SLC26A7: variants seen among roughly 807,000 people sequenced by gnomAD.
The protein encoded by SLC26A7 is anion exchange transporter.
In SLC26A7, 59 loss-of-function variants were observed where a neutral mutation model predicts 82.5. The observed-to-expected ratio is 0.72, with a 90% CI of 0.58 to 0.89. SLC26A7 has a LOEUF of 0.89. SLC26A7 is among the 40% of genes least tolerant of loss of function. The pLI is 0.00. For missense variants in SLC26A7, 820 were observed against 793.0 expected, an observed-to-expected ratio of 1.03 and a Z score of -0.41; for synonymous variants, 271 against 274.3, an observed-to-expected ratio of 0.99 and a Z score of 0.12.
At chr8:91,239,045 C>T (rs1296335858) in intron 2 of SLC26A7, among the ~76,000 whole-genome samples, 1 of 151,984 alleles carries the variant, frequency 6.6e-6, no homozygotes, top group Non-Finnish European at 1.5e-5. Context: ...TTTTATAGAT[C>T]ATATATACCC....
At chr8:91,244,984 T>C (rs1586316733), upstream of SLC26A7, among the ~76,000 whole-genome samples, 1 of 152,204 alleles carries the variant, frequency 6.6e-6, no homozygotes, top group East Asian at 1.9e-4. Context: ...TTGGCAATCA[T>C]TGTTGAGAAC....
chr8:91,335,175 T>C (rs1368856104), intron 6 of SLC26A7, among the ~76,000 whole-genome samples: 1 of 152,146 alleles, frequency 6.6e-6, no homozygotes, highest in Admixed American at 6.5e-5. Context: ...TACATGTATA[T>C]GATAAATGTT....
chr8:91,218,354 A>ACTAAGAAGTGAGACTAG, intron 1 of SLC26A7, among the ~76,000 whole-genome samples: 1 of 151,978 alleles, frequency 6.6e-6, no homozygotes, highest in African/African-American at 2.4e-5. Context: ...TATTTTGTAC[A>ACTAAGAAGTGAGACTAG]AATTATTTTG....
upstream of SLC26A7, among the ~76,000 whole-genome samples, chr8:91,247,423 TTTTC>T (rs1195719532): frequency 1.3e-5 from 2 of 152,132 alleles, no homozygotes; most frequent in Non-Finnish European, 2.9e-5. Context: ...CTCATAATGT[TTTTC>T]TTTCTTTCTG....
rs75313643 is a variant in SLC26A7 at position 91,378,561 on chromosome 8, A to T, written c.1675+8728A>T. ...AGAAGCATCTTGCTAAAGGTCTGGG[A>T]AAAGGGGAAACTAGTCTGAAGAACT... On this transcript the variant is annotated intron_variant, in intron 15 of 18. Coordinates refer to ENST00000276609, the MANE Select transcript of SLC26A7 (RefSeq NM_052832.4). Among the ~76,000 whole-genome samples, 557 of 151,446 alleles carry T rather than the reference A, an allele frequency of 3.7e-3. 4 individuals are homozygous for T. The highest frequency in any genetic ancestry group is 0.012 in the African/African-American group (507 of 41,408).
intron 13 of SLC26A7, among the ~76,000 whole-genome samples, chr8:91,365,214 AG>A (rs1209139602): frequency 2.0e-5 from 3 of 152,224 alleles, no homozygotes; most frequent in Non-Finnish European, 2.9e-5. Flanking sequence ...TATGTAGTGC[AG>A]GGTTGTCCAA....
intron 9 of SLC26A7, among the ~76,000 whole-genome samples, chr8:91,349,551 A>T (rs532565280): frequency 6.6e-6 from 1 of 152,296 alleles, no homozygotes; most frequent in East Asian, 1.9e-4. Flanking sequence ...AAATTTGGGA[A>T]CCTTAAAATA....
At chr8:91,378,620 G>A (rs1215575480) in intron 15 of SLC26A7, among the ~76,000 whole-genome samples, 1 of 151,782 alleles carries the variant, frequency 6.6e-6, no homozygotes, top group African/African-American at 2.4e-5. Flanking sequence ...TGAAGATCTG[G>A]TTGGACATTA....
At chr8:91,317,084 T>TG (rs1301886032) in intron 4 of SLC26A7, among the ~76,000 whole-genome samples, 3 of 140,162 alleles carry the variant, frequency 2.1e-5, no homozygotes, top group Non-Finnish European at 4.6e-5. Flanking sequence ...CACTTGAGCC[T>TG]GGGGGGTGGA....
chr8:91,335,932 A>AT (rs1400947899), intron 6 of SLC26A7, among the ~76,000 whole-genome samples: 1 of 151,972 alleles, frequency 6.6e-6, no homozygotes, highest in Non-Finnish European at 1.5e-5. Flanking sequence ...TTCCAGCTCT[A>AT]TCCCACCTGC....
At chr8:91,374,271 T>C (rs1350445587) in intron 15 of SLC26A7, among the ~76,000 whole-genome samples, 1 of 151,980 alleles carries the variant, frequency 6.6e-6, no homozygotes, top group Non-Finnish European at 1.5e-5. Context: ...AGCTTTGGGT[T>C]TGATTTGTTC....
chr8:91,333,094 C>T (rs1488436451), intron 5 of SLC26A7, among the ~76,000 whole-genome samples: 2 of 152,082 alleles, frequency 1.3e-5, no homozygotes, highest in African/African-American at 4.8e-5. Flanking sequence ...TTTAAAATCT[C>T]ACCCTATCTT....
At chr8:91,297,294 T>C (rs1812043055) in intron 4 of SLC26A7, among the ~76,000 whole-genome samples, 1 of 151,934 alleles carries the variant, frequency 6.6e-6, no homozygotes, top group Admixed American at 6.6e-5. Context: ...TTAGTCTCAT[T>C]TTAACCATCT....
chr8:91,258,867 A>T (rs1351943418), intron 2 of SLC26A7, among the ~76,000 whole-genome samples: 17 of 152,190 alleles, frequency 1.1e-4, no homozygotes, highest in Non-Finnish European at 2.2e-4. Context: ...TCTATTCTCT[A>T]TCTTAAACTC....
intron 1 of SLC26A7, among the ~76,000 whole-genome samples, chr8:91,212,864 TTCC>T (rs1453269216): frequency 8.0e-4 from 122 of 152,324 alleles, no homozygotes; most frequent in Non-Finnish European, 1.4e-3. Context: ...TATTGTTTTA[TTCC>T]AAAAATAACA....
Position 91,271,634 on chromosome 8 carries a change from G to A in SLC26A7, c.194-17502G>A, listed in dbSNP as rs556654180. On this transcript the variant is annotated intron_variant, in intron 2 of 18. Coordinates refer to ENST00000276609, the MANE Select transcript of SLC26A7 (RefSeq NM_052832.4). The stretch of plus-strand genomic sequence containing the variant: ...TTTTGAGACGGAGTCTCGCTCTGTC[G>A]CCCAGGCTGGAATGCAGTGGCGTGA... Among the ~76,000 whole-genome samples the A allele has an allele frequency of 1.9e-3, 255 of 132,898 alleles. 1 individual carries two copies. Among genetic ancestry groups the A allele is most frequent in the Non-Finnish European group, 3.1e-3 (200 of 65,378 alleles). 87.2% of individuals were successfully genotyped at this position (132,898 alleles called of 152,430 possible). A position where few individuals can be genotyped will look rare whatever the true frequency, so the allele number is the denominator to read the frequency against.
intron 4 of SLC26A7, among the ~76,000 whole-genome samples, chr8:91,300,831 A>T (rs1191141708): frequency 2.0e-5 from 3 of 152,232 alleles, no homozygotes; most frequent in Non-Finnish European, 4.4e-5. Flanking sequence ...TCATGAGCTT[A>T]CTTATAATGC....
At chr8:91,351,605 C>T (rs998091124) in intron 9 of SLC26A7, among the ~76,000 whole-genome samples, 1 of 152,136 alleles carries the variant, frequency 6.6e-6, no homozygotes, top group Non-Finnish European at 1.5e-5. Context: ...AATTTGATTG[C>T]ACCAGTTTGT....
chr8:91,225,935 G>A (rs988080849), intron 2 of SLC26A7, among the ~76,000 whole-genome samples: 8 of 152,054 alleles, frequency 5.3e-5, no homozygotes, highest in Admixed American at 4.6e-4. Flanking sequence ...GTACTCCATG[G>A]AAGGTTGGGC....
Sources: allele counts gnomAD v4.1 joint callset (sites outside exome capture counted in the v4.1 genomes callset), GRCh38; gene constraint gnomAD v4.1.1; transcripts MANE v1.5; gene names NCBI Gene and HGNC (gene_info 2026-07-23, HGNC 2026-07-21).